Variants in MED12L observed in about 807,000 individuals in gnomAD.
MED12L encodes the protein mediator of RNA polymerase II transcription subunit 12-like protein.
Under a neutral mutation model 281.3 loss-of-function variants are expected in MED12L, and 60 were observed. The observed-to-expected ratio is 0.21, with a 90% CI of 0.17 to 0.26. The LOEUF (loss-of-function observed/expected upper bound fraction) is 0.26. Among genes scored for constraint, MED12L ranks in the 10% least tolerant of loss-of-function variants. MED12L has a pLI of 1.00. For synonymous variants in MED12L, 974 were observed against 987.2 expected, an observed-to-expected ratio of 0.99 and a Z score of 0.25; for missense variants, 2,146 against 2,680.9, an observed-to-expected ratio of 0.80 and a Z score of 4.41.
chr3:151,214,367 C>CA (rs1559887254), intron 16 of MED12L: 3 of 1,475,174 alleles, frequency 2.0e-6, no homozygotes, highest in Non-Finnish European at 2.8e-6. Context: ...ACTGGTCACT[C>CA]ATAGGGCACT....
intron 9 of MED12L, 98 bp downstream of exon 9, chr3:151,164,140 G>T: frequency 7.5e-7 from 1 of 1,329,494 alleles, no homozygotes; most frequent in Non-Finnish European, 1.0e-6. Flanking sequence ...TAGATGCTTG[G>T]GTGCTATCCC....
chr3:151,368,624 TATTTTATTTCATTTCATTTCATTTC>T (rs1755636592), intron 25 of MED12L, among the ~76,000 whole-genome samples: 180 of 85,516 alleles, frequency 2.1e-3, no homozygotes, highest in Non-Finnish European at 2.7e-3. Context: ...TATTTTATTT[TATTTTATTTCATTTCATTTCATTTC>T]ATTTCATTTC....
chr3:151,200,862 T>A (rs1725462203), intron 16 of MED12L: 1 of 152,226 alleles, frequency 6.6e-6, no homozygotes, highest in African/African-American at 2.4e-5. Context: ...GTTGTTATTG[T>A]CCCTGCTTTA....
In MED12L at chr3:151,113,693, G is replaced by A. The variant is rs536376321; in HGVS notation, c.100-2645G>A. ...ACTCAAAGCTCCCAATAATATCTGT[G>A]TGGCTCCTAGTTTGAGGAAAATCTG... On this transcript the variant is annotated intron_variant, in intron 2 of 44. Transcript: ENST00000687756. 3.3e-5 allele frequency among the ~76,000 whole-genome samples: 5 copies of A among 152,324 alleles called. No homozygotes were observed. The South Asian group carries it at 1.0e-3, about 32-fold the overall frequency.
In MED12L at chr3:151,344,184, A is replaced by G. The variant is rs144801472; in HGVS notation, c.2251-5875A>G. Among the ~76,000 whole-genome samples, 508 of 152,196 alleles carry G rather than the reference A, an allele frequency of 3.3e-3. 4 individuals carry two copies. Among genetic ancestry groups the G allele is most frequent in the African/African-American group, 0.012 (479 of 41,530 alleles). On this transcript the variant is annotated intron_variant, in intron 16 of 44. Transcript: ENST00000687756. Reference sequence around the variant, plus strand: ...GAAGAGGACTAGTAGATATATAAATATCAGTCATACTGTGGACTATAAGCT... The same window carrying G: ...GAAGAGGACTAGTAGATATATAAATGTCAGTCATACTGTGGACTATAAGCT...
At position 151,184,524 on chromosome 3, in the gene MED12L, AC is replaced by A. The variant is rs763661822; in HGVS notation, c.1495-803del. Among the ~76,000 whole-genome samples the A allele has an allele frequency of 2.6e-5, 4 of 152,152 alleles. No individual in the cohort carries two copies. In the South Asian group the frequency reaches 8.3e-4, roughly 32 times the overall value. ...GTTGATGTCCTATTGGTTGGCGTGG[AC>A]CCTCTAAAAGGAAAGGACAGATCAC... On this transcript the variant is annotated intron_variant, in intron 11 of 44. Transcript: ENST00000687756.
At chr3:151,139,522 G>A (rs562172238) in intron 5 of MED12L, among the ~76,000 whole-genome samples, 1 of 152,154 alleles carries the variant, frequency 6.6e-6, no homozygotes, top group Non-Finnish European at 1.5e-5. Flanking sequence ...TTGATGCCTG[G>A]TAAGTGCATT....
At chr3:151,148,005 C>A (rs1305201514) in intron 5 of MED12L, among the ~76,000 whole-genome samples, 1 of 152,212 alleles carries the variant, frequency 6.6e-6, no homozygotes, top group African/African-American at 2.4e-5. Flanking sequence ...CTGAGGATTT[C>A]AGTTTCTCTA....
intron 16 of MED12L, among the ~76,000 whole-genome samples, chr3:151,317,841 A>T (rs1170692808): frequency 2.0e-5 from 3 of 152,150 alleles, no homozygotes; most frequent in South Asian, 2.1e-4. Flanking sequence ...AAATACATTT[A>T]AAAAAATAAA....
At chr3:151,426,412 C>A (rs1055787653) in intron 43 of MED12L, among the ~76,000 whole-genome samples, 2 of 152,270 alleles carry the variant, frequency 1.3e-5, no homozygotes, top group African/African-American at 2.4e-5. Flanking sequence ...CAGCCCTCAT[C>A]CCCTAGTGGT....
At chr3:151,188,199 C>A (rs993542394) in intron 12 of MED12L, 155 bp from the exon 13 acceptor site, 8 of 514,768 alleles carry the variant, frequency 1.6e-5, no homozygotes, top group South Asian at 3.2e-5. Flanking sequence ...ATTATATTCA[C>A]CTGAGGTGCA....
chr3:151,170,793 T>C (rs1287342039), intron 11 of MED12L, among the ~76,000 whole-genome samples: 1 of 152,166 alleles, frequency 6.6e-6, no homozygotes, highest in Non-Finnish European at 1.5e-5. Flanking sequence ...TCAGGGCTCA[T>C]GTCCCACAGT....
Position 151,376,831 on chromosome 3 carries a change from G to A in MED12L, c.4085G>A (p.Trp1362Ter). 6.2e-7 allele frequency: 1 copy of A among 1,613,974 alleles called. No homozygotes were observed. The highest frequency in any genetic ancestry group is 8.5e-7 in the Non-Finnish European group (1 of 1,179,910). ...NLEQWTLRQS[W>*]LELQLMIKQC... ...GAGCAGTGGACACTGAGGCAATCCT[G>A]GTTAGAACTCCAGCTAATGATCAAA... Residue 1362 changes from tryptophan to a stop codon, truncating the protein, a stop_gained, in exon 29 of 45, where the codon TGG (tryptophan) becomes TAG (stop). Transcript: ENST00000687756. LOFTEE classifies it high-confidence loss of function.
intron 7 of MED12L, 102 bp from the exon 8 acceptor site, chr3:151,159,730 G>GT (rs1037819608): frequency 4.5e-5 from 54 of 1,202,838 alleles, no homozygotes; most frequent in East Asian, 2.1e-4. Flanking sequence ...TACCTTTGAA[G>GT]TTTTTTTATC....
intron 16 of MED12L, among the ~76,000 whole-genome samples, chr3:151,235,284 ATGGGGGCAGGGCCC>A (rs1732502361): frequency 6.6e-6 from 1 of 152,176 alleles, no homozygotes; most frequent in Non-Finnish European, 1.5e-5. Context: ...TTGTAAACTG[ATGGGGGCAGGGCCC>A]TGCAAGCATG....
At chr3:151,185,502 T>C in intron 12 of MED12L, 41 bp downstream of exon 12, 2 of 1,608,414 alleles carry the variant, frequency 1.2e-6, no homozygotes, top group Non-Finnish European at 1.7e-6. Context: ...TGCCGTAATG[T>C]AAAAATACTG....
chr3:151,344,338 AAC>A (rs1160840190), intron 16 of MED12L, among the ~76,000 whole-genome samples: 1 of 151,978 alleles, frequency 6.6e-6, no homozygotes, highest in Non-Finnish European at 1.5e-5. Context: ...TCATTCCTGT[AAC>A]AGTTTCCTCA....
intron 17 of MED12L, among the ~76,000 whole-genome samples, chr3:151,353,710 A>G (rs192836125): frequency 2.7e-3 from 406 of 152,340 alleles, no homozygotes; most frequent in African/African-American, 9.1e-3. Flanking sequence ...TTTTGAGTTC[A>G]GTGAAATCTT....
At chr3:151,157,661 T>A (rs979453511) in intron 6 of MED12L, among the ~76,000 whole-genome samples, 5 of 152,202 alleles carry the variant, frequency 3.3e-5, no homozygotes, top group African/African-American at 1.2e-4. Context: ...GTAAACATTT[T>A]AAAAATTAGA....
Sources: gnomAD v4.1 joint callset for allele counts (sites outside exome capture counted in the v4.1 genomes callset) on GRCh38, gnomAD v4.1.1 for gene constraint, MANE v1.5 for transcripts, NCBI Gene and HGNC (gene_info 2026-07-23, HGNC 2026-07-21) for gene names.